The following C10orf67 variants were observed in gnomAD, a reference collection of about 807,000 sequenced individuals.
C10orf67 encodes chromosome 10 open reading frame 67, also known as uncharacterized protein C10orf67, mitochondrial.
In C10orf67, 60 loss-of-function variants were observed where a neutral mutation model predicts 35.6. The observed-to-expected ratio is 1.68, with a 90% CI of 1.37 to 2.09. C10orf67 has a LOEUF of 2.09. C10orf67 is among the 30% of genes most tolerant of loss of function. C10orf67 has a pLI of 0.00. For missense variants in C10orf67, 474 were observed against 330.2 expected (o/e 1.44, Z -3.38); for synonymous variants, 167 against 115.8 (o/e 1.44, Z -2.84).
At position 23,235,797 on chromosome 10, in the gene C10orf67, C is replaced by T. The variant is rs74732170; in HGVS notation, c.1434+3932G>A. On this transcript the variant is annotated intron_variant, in intron 13 of 15. Transcript: ENST00000636213. ...GCAAATTAAAATTACAGTGAGATAA[C>T]ATTTTAAAATAGTTAAAATTTAAAA... Among the ~76,000 whole-genome samples the T allele has an allele frequency of 2.2e-3, 332 of 152,274 alleles. 11 individuals are homozygous for T. The East Asian group carries it at 0.059, about 27-fold the overall frequency.
intron 6 of C10orf67, among the ~76,000 whole-genome samples, chr10:23,290,346 C>T (rs532319351): frequency 2.0e-5 from 3 of 152,300 alleles, no homozygotes; most frequent in African/African-American, 4.8e-5. Flanking sequence ...TGAGACTATA[C>T]TGGCATGGTA....
chr10:23,228,993 A>C (rs975898529), intron 13 of C10orf67, among the ~76,000 whole-genome samples: 4 of 152,180 alleles, frequency 2.6e-5, no homozygotes, highest in Non-Finnish European at 4.4e-5. Context: ...GTGGGACAGT[A>C]AACTAGTTCA....
intron 5 of C10orf67, among the ~76,000 whole-genome samples, chr10:23,302,033 G>A (rs1037895367): frequency 1.5e-4 from 23 of 152,052 alleles, no homozygotes; most frequent in Non-Finnish European, 2.5e-4. Flanking sequence ...AGAGGTGGAC[G>A]GTGAGCGAAA....
rs527922090 is a variant in C10orf67 at position 23,310,099 on chromosome 10, C to T, written c.547-6640G>A. Reference sequence around the variant, plus strand: ...CAGAAAGCAGTGTGATTTTCCCACACTGCCCCTGCAAATCTAGTTTCTAGT... The same window carrying T: ...CAGAAAGCAGTGTGATTTTCCCACATTGCCCCTGCAAATCTAGTTTCTAGT... On this transcript the variant is annotated intron_variant, in intron 4 of 15. Transcript: ENST00000636213. Among the ~76,000 whole-genome samples, 4 of 152,346 alleles carry T rather than the reference C, an allele frequency of 2.6e-5. No homozygotes were observed. In the East Asian group the frequency reaches 7.7e-4, roughly 29 times the overall value.
chr10:23,291,448 G>C (rs1843716925), intron 5 of C10orf67, among the ~76,000 whole-genome samples, 169 bp from the exon 6 acceptor site: 1 of 152,324 alleles, frequency 6.6e-6, no homozygotes, highest in East Asian at 1.9e-4. Flanking sequence ...CTGGAAGAAA[G>C]GCTCCAGTAC....
At position 23,308,718 on chromosome 10, in the gene C10orf67, C is replaced by A. The variant is rs72648296; in HGVS notation, c.547-5259G>T. Among the ~76,000 whole-genome samples the A allele has an allele frequency of 0.059, 8,998 of 152,074 alleles. 1,248 individuals carry two copies. In the East Asian group the frequency reaches 0.62, roughly 11 times the overall value. ...GGGACCTTGAACAAGTTTCTTAAAC[C>A]CCGAGTGTCTCAGTGTTATCATTTG... On this transcript the variant is annotated intron_variant, in intron 4 of 15. Coordinates refer to ENST00000636213, the MANE Select transcript of C10orf67 (RefSeq NM_001371909.1).
chr10:23,259,440 A>G (rs201213149), intron 10 of C10orf67, among the ~76,000 whole-genome samples: 2 of 152,194 alleles, frequency 1.3e-5, no homozygotes, highest in African/African-American at 4.8e-5. Flanking sequence ...GGTTGATTCT[A>G]TTTCCTAGCT....
At chr10:23,271,776 C>T (rs992457596) in intron 8 of C10orf67, among the ~76,000 whole-genome samples, 8 of 152,124 alleles carry the variant, frequency 5.3e-5, no homozygotes, top group Non-Finnish European at 1.0e-4. Flanking sequence ...GGGTTGTTTT[C>T]GTATTATTAC....
At chr10:23,295,209 A>G (rs1339775144) in intron 5 of C10orf67, among the ~76,000 whole-genome samples, 1 of 152,230 alleles carries the variant, frequency 6.6e-6, no homozygotes, top group Non-Finnish European at 1.5e-5. Flanking sequence ...CATTGGAATA[A>G]CCAGAGTATT....
chr10:23,225,172 C>T (rs1321539462), intron 13 of C10orf67, among the ~76,000 whole-genome samples: 1 of 152,142 alleles, frequency 6.6e-6, no homozygotes, highest in African/African-American at 2.4e-5. Context: ...GCGGATCTCT[C>T]GGCAGAAACT....
chr10:23,280,159 T>C (rs565538387), intron 8 of C10orf67, among the ~76,000 whole-genome samples: 104 of 152,330 alleles, frequency 6.8e-4, no homozygotes, highest in African/African-American at 2.3e-3. Context: ...ACAGCCAGTT[T>C]ACATATACTT....
At chr10:23,224,903 T>G (rs1349357788) in intron 13 of C10orf67, among the ~76,000 whole-genome samples, 3 of 152,146 alleles carry the variant, frequency 2.0e-5, no homozygotes, top group Non-Finnish European at 4.4e-5. Context: ...TTGGTGTACC[T>G]GAAAGTGATG....
At chr10:23,238,038 T>A (rs1842092207) in intron 13 of C10orf67, among the ~76,000 whole-genome samples, 1 of 152,210 alleles carries the variant, frequency 6.6e-6, no homozygotes, top group South Asian at 2.1e-4. Context: ...ACACTGTAGA[T>A]CAGGCACTAT....
intron 6 of C10orf67, 47 bp from the exon 7 acceptor site, chr10:23,290,005 T>C (rs1276842504): frequency 1.4e-6 from 1 of 714,000 alleles, no homozygotes; most frequent in East Asian, 2.7e-5. Context: ...TACATGCTTA[T>C]GCCCCTGTAT....
chr10:23,307,836 C>G (rs1198925416), intron 4 of C10orf67, among the ~76,000 whole-genome samples: 1 of 152,090 alleles, frequency 6.6e-6, no homozygotes, highest in Non-Finnish European at 1.5e-5. Flanking sequence ...CCAGGCTGGT[C>G]TCAAACTCCT....
At chr10:23,252,179 T>C (rs1184605000) in intron 10 of C10orf67, among the ~76,000 whole-genome samples, 2 of 152,210 alleles carry the variant, frequency 1.3e-5, no homozygotes, top group African/African-American at 4.8e-5. Flanking sequence ...TGCACTATGT[T>C]CTAGGAAATT....
chr10:23,322,104 C>A (rs1167260894), intron 3 of C10orf67, among the ~76,000 whole-genome samples: 1 of 152,116 alleles, frequency 6.6e-6, no homozygotes, highest in African/African-American at 2.4e-5. Flanking sequence ...TAACTGGTGA[C>A]CTTGAACAAG....
intron 15 of C10orf67, among the ~76,000 whole-genome samples, chr10:23,207,554 T>A (rs1000569088): frequency 6.6e-6 from 1 of 152,210 alleles, no homozygotes; most frequent in African/African-American, 2.4e-5. Context: ...GTCATTCATG[T>A]CCATGAAACA....
At chr10:23,257,805 T>A (rs1477282920) in intron 10 of C10orf67, among the ~76,000 whole-genome samples, 1 of 151,746 alleles carries the variant, frequency 6.6e-6, no homozygotes, top group Non-Finnish European at 1.5e-5. Flanking sequence ...TCTGTTTTTT[T>A]TTTTTTAAAT....
Sources: allele counts gnomAD v4.1 joint callset (sites outside exome capture counted in the v4.1 genomes callset), GRCh38; gene constraint gnomAD v4.1.1; transcripts MANE v1.5; gene names NCBI Gene and HGNC (gene_info 2026-07-23, HGNC 2026-07-21).